The following CTNNA2 variants were observed in gnomAD, a reference collection of about 807,000 sequenced individuals.
CTNNA2 encodes catenin alpha 2.
CTNNA2 carries 42 observed loss-of-function variants against 101.0 expected under a neutral mutation model. That is an observed-to-expected ratio of 0.42 (90% CI 0.32 to 0.54). The LOEUF (loss-of-function observed/expected upper bound fraction) is 0.54. CTNNA2 is among the 20% of genes least tolerant of loss of function. The pLI is 0.14. For synonymous variants in CTNNA2, 450 were observed against 456.4 expected, an observed-to-expected ratio of 0.99 and a Z score of 0.18; for missense variants, 871 against 1,223.1, an observed-to-expected ratio of 0.71 and a Z score of 4.29.
At chr2:80,344,652 C>A (rs977925800) in intron 7 of CTNNA2, among the ~76,000 whole-genome samples, 13 of 152,046 alleles carry the variant, frequency 8.6e-5, no homozygotes, top group African/African-American at 2.7e-4. Context: ...GCCCAGCTAT[C>A]TTTTTGTATT....
intron 7 of CTNNA2, among the ~76,000 whole-genome samples, chr2:80,124,010 G>A (rs890632237): frequency 1.1e-4 from 16 of 152,268 alleles, no homozygotes; most frequent in African/African-American, 3.9e-4. Flanking sequence ...TGAGATAGAT[G>A]CTTTTGAAAT....
At chr2:79,294,364 C>G (rs1675919589) in intron 2 of CTNNA2, among the ~76,000 whole-genome samples, 1 of 152,028 alleles carries the variant, frequency 6.6e-6, no homozygotes, top group African/African-American at 2.4e-5. Flanking sequence ...CATATCAGGT[C>G]CCCACCCTTG....
chr2:79,939,220 G>A (rs1687986105), intron 7 of CTNNA2, among the ~76,000 whole-genome samples: 1 of 152,202 alleles, frequency 6.6e-6, no homozygotes, highest in Non-Finnish European at 1.5e-5. Flanking sequence ...TTATGTCTGA[G>A]TGTGTTGAGT....
At chr2:80,535,361 C>T (rs892505138) in intron 9 of CTNNA2, among the ~76,000 whole-genome samples, 11 of 152,124 alleles carry the variant, frequency 7.2e-5, no homozygotes, top group Non-Finnish European at 1.2e-4. Flanking sequence ...TATATTTTCA[C>T]TTTTATAGTG....
intron 15 of CTNNA2, among the ~76,000 whole-genome samples, chr2:80,598,494 G>A (rs1573409651): frequency 6.6e-6 from 1 of 151,846 alleles, no homozygotes; most frequent in Non-Finnish European, 1.5e-5. Flanking sequence ...AAACTAAAAA[G>A]GGATTTACTA....
intron 7 of CTNNA2, among the ~76,000 whole-genome samples, chr2:79,951,626 T>C (rs13027357): frequency 0.3 from 45,138 of 151,822 alleles, 7,254 homozygotes; most frequent in Non-Finnish European, 0.37. Flanking sequence ...GATTGTGCCA[T>C]AGTACTCTAG....
In CTNNA2 at chr2:80,302,713, G is replaced by T. The variant is rs767240774; in HGVS notation, c.1057-90498G>T. 1 of 1,612,826 alleles carries T rather than the reference G, an allele frequency of 6.2e-7. No homozygotes were observed. Among genetic ancestry groups the T allele is most frequent in the South Asian group, 1.1e-5 (1 of 91,042 alleles). ...CGGCCGAGAGCAGGTGGCCGCTGGT[G>T]GGCTCGGCCCCATCCTCGCACAGGT... On this transcript the variant is annotated intron_variant, in intron 7 of 18. Transcript: ENST00000402739. This position sits in a 1 kb window ranked among gnomAD's most constrained non-coding sequence, Gnocchi z 6.4.
At chr2:79,833,755 T>C (rs1470282295) in intron 3 of CTNNA2, among the ~76,000 whole-genome samples, 2 of 152,210 alleles carry the variant, frequency 1.3e-5, no homozygotes, top group Admixed American at 6.5e-5. Context: ...ACCTCTACCA[T>C]AGAGCAGTCT....
At chr2:79,338,575 ATCATCTTCT>A (rs796724227) in intron 3 of CTNNA2, among the ~76,000 whole-genome samples, 1,919 of 115,484 alleles carry the variant, frequency 0.017, 39 homozygotes, top group East Asian at 0.058. Flanking sequence ...CTTCCTCCTC[ATCATCTTCT>A]TCTTCTTCTT....
intron 4 of CTNNA2, among the ~76,000 whole-genome samples, chr2:79,426,202 CACAA>C (rs1465883438): frequency 4.6e-5 from 7 of 152,212 alleles, no homozygotes; most frequent in Middle Eastern, 3.4e-3. Flanking sequence ...TTGGGTGTGT[CACAA>C]ACAAAGTCTT....
chr2:80,248,498 T>G (rs1238518127), intron 7 of CTNNA2, among the ~76,000 whole-genome samples: 1 of 152,208 alleles, frequency 6.6e-6, no homozygotes, highest in African/African-American at 2.4e-5. Flanking sequence ...TTCTCCAGAT[T>G]CGTTGCATTA....
chr2:80,014,308 T>C (rs1055596131), intron 7 of CTNNA2, among the ~76,000 whole-genome samples: 5 of 151,654 alleles, frequency 3.3e-5, no homozygotes, highest in Admixed American at 3.3e-4. Flanking sequence ...CTTCCTGGTG[T>C]GGTAAAGGGC....
chr2:80,407,956 G>GT (rs1379223684), intron 8 of CTNNA2, among the ~76,000 whole-genome samples: 4 of 152,196 alleles, frequency 2.6e-5, no homozygotes, highest in African/African-American at 9.7e-5. Context: ...GTGGTAAATG[G>GT]TTTTCTGTTT....
chr2:79,207,849 G>T (rs1674120806), intron 2 of CTNNA2, among the ~76,000 whole-genome samples: 1 of 152,194 alleles, frequency 6.6e-6, no homozygotes, highest in African/African-American at 2.4e-5. Context: ...TCTCCAGCAG[G>T]ACACCAAAGA....
At chr2:79,932,472 G>T (rs1161144115) in intron 7 of CTNNA2, among the ~76,000 whole-genome samples, 3 of 151,330 alleles carry the variant, frequency 2.0e-5, no homozygotes, top group South Asian at 2.1e-4. Context: ...AGATACTTGT[G>T]TGTGAGATTC....
chr2:80,003,054 TG>T (rs1336552854), intron 7 of CTNNA2, among the ~76,000 whole-genome samples: 1 of 152,122 alleles, frequency 6.6e-6, no homozygotes, highest in Non-Finnish European at 1.5e-5. Flanking sequence ...AAGCCTTACC[TG>T]GTGATTAGTG....
chr2:79,814,981 G>A (rs1226695348), intron 3 of CTNNA2, among the ~76,000 whole-genome samples: 1 of 152,134 alleles, frequency 6.6e-6, no homozygotes, highest in East Asian at 1.9e-4. Context: ...GTGGGAGTAA[G>A]GTGGTATCAC....
chr2:80,595,774 G>A (rs1696895445), intron 15 of CTNNA2, among the ~76,000 whole-genome samples: 1 of 152,154 alleles, frequency 6.6e-6, no homozygotes, highest in East Asian at 1.9e-4. Flanking sequence ...TAGCTTTGTA[G>A]TTTAGTTTGA....
chr2:79,610,873 A>T (rs62140090), intron 1 of CTNNA2, among the ~76,000 whole-genome samples: 6,916 of 152,210 alleles, frequency 0.045, 222 homozygotes, highest in Non-Finnish European at 0.065. Context: ...AAAGTTGTTA[A>T]AAATAAAGTA....
Sources: gnomAD v4.1 joint callset for allele counts (sites outside exome capture counted in the v4.1 genomes callset) on GRCh38, gnomAD v4.1.1 for gene constraint, Gnocchi (gnomAD v3.1) non-coding constraint, MANE v1.5 for transcripts, NCBI Gene and HGNC (gene_info 2026-07-23, HGNC 2026-07-21) for gene names.